Variants in OLFML2A observed in about 807,000 individuals in gnomAD.
The protein encoded by OLFML2A is olfactomedin like 2A, also known as olfactomedin-like protein 2A.
OLFML2A carries 47 observed loss-of-function variants against 60.9 expected under a neutral mutation model. The ratio of observed to expected loss-of-function variants is 0.77; its 90% CI spans 0.61 to 0.98. The LOEUF is 0.98. Among genes scored for constraint, OLFML2A ranks in the 50% least tolerant of loss-of-function variants. The pLI, the probability that OLFML2A is intolerant of heterozygous loss-of-function variation, is 0.00. For synonymous variants in OLFML2A, 372 were observed against 375.0 expected (o/e 0.99, Z 0.09); for missense variants, 922 against 879.8 (o/e 1.05, Z -0.61).
intron 6 of OLFML2A, among the ~76,000 whole-genome samples, chr9:124,806,206 A>G (rs1841895197): frequency 6.6e-6 from 1 of 152,174 alleles, no homozygotes; most frequent in Admixed American, 6.5e-5. Flanking sequence ...AAAAACCAAA[A>G]AAGAAAAAAA....
chr9:124,786,797 C>CACACAG (rs1199279538), intron 1 of OLFML2A, among the ~76,000 whole-genome samples, 178 bp from the exon 2 acceptor site: 8 of 123,692 alleles, frequency 6.5e-5, no homozygotes, highest in African/African-American at 2.4e-4. Context: ...CACACACACA[C>CACACAG]AGAGTTGTTA....
chr9:124,807,563 G>A lies in OLFML2A; in HGVS notation c.1169-218G>A, dbSNP rs571630129. Among the ~76,000 whole-genome samples, 15 of 152,306 alleles carry A rather than the reference G, an allele frequency of 9.8e-5. No homozygotes were observed. The South Asian group carries it at 1.0e-3, about 11-fold the overall frequency. On this transcript the variant is annotated intron_variant, in intron 6 of 7. Transcript: ENST00000373580. ...CTCCCAAAGTGCTGGGATTATAGGC[G>A]TCAGCCATTGCGCCTGGCCTCCATT...
chr9:124,784,945 T>TG (rs1423048390), intron 1 of OLFML2A, among the ~76,000 whole-genome samples: 2 of 92,108 alleles, frequency 2.2e-5, no homozygotes, highest in African/African-American at 1.1e-4. Flanking sequence ...TTTTACTTGT[T>TG]TTTTTTTTTT....
chr9:124,784,615 T>C (rs1021781578), intron 1 of OLFML2A, among the ~76,000 whole-genome samples: 16 of 152,258 alleles, frequency 1.1e-4, no homozygotes, highest in African/African-American at 3.4e-4. Flanking sequence ...ATTATCATTT[T>C]TAAGTATACA....
At chr9:124,809,461 CA>C (rs1280717639) in intron 7 of OLFML2A, among the ~76,000 whole-genome samples, 1 of 151,996 alleles carries the variant, frequency 6.6e-6, no homozygotes, top group Non-Finnish European at 1.5e-5. Context: ...ATTCCCCAAG[CA>C]GATGGCCTGG....
In OLFML2A at chr9:124,810,107, C is replaced by T. The variant is rs1841978375; in HGVS notation, c.1654C>T (p.Arg552Cys). ...EAQPEVIVLS[R>C]LDPGDLSVHR... is the part of the protein sequence containing the mutation. ...CCAGCCCGAGGTGATCGTCCTGAGT[C>T]GCTTGGACCCCGGCGATCTCTCCGT... The change falls in exon 8 of 8, where the codon CGC (arginine) becomes TGC (cysteine). Residue 552 changes from arginine (R) to cysteine (C), a missense_variant. Transcript: ENST00000373580. 1.2e-6 allele frequency: 2 copies of T among 1,613,826 alleles called. No individual in the cohort carries two copies. Among genetic ancestry groups the T allele is most frequent in the South Asian group, 1.1e-5 (1 of 91,072 alleles).
At position 124,787,097 on chromosome 9, in the gene OLFML2A, G is replaced by C. The variant is rs200597518; in HGVS notation, c.213G>C (p.Val71=). ...CSRVRSGRAR[V]EDFYTVETVS... ...GAGTGCGCAGTGGGCGGGCACGCGT[G>C]GAGGACTTCTACACGGTGGAGACTG... Residue 71 remains valine, a synonymous_variant, in exon 2 of 8, where the codon GTG becomes GTC. Coordinates refer to ENST00000373580, the MANE Select transcript of OLFML2A (RefSeq NM_182487.4). 1.7e-4 allele frequency: 271 copies of C among 1,614,080 alleles called. No individual in the cohort carries two copies. The highest frequency in any genetic ancestry group is 2.1e-4 in the Non-Finnish European group (253 of 1,180,050).
At chr9:124,806,909 A>G (rs965788305) in intron 6 of OLFML2A, among the ~76,000 whole-genome samples, 1 of 151,502 alleles carries the variant, frequency 6.6e-6, no homozygotes, top group African/African-American at 2.4e-5. Context: ...CGCCCAGCCA[A>G]TTTTTATTTA....
intron 1 of OLFML2A, among the ~76,000 whole-genome samples, chr9:124,786,094 A>G (rs148039581): frequency 0.011 from 1,698 of 152,238 alleles, 29 homozygotes; most frequent in African/African-American, 0.039. Flanking sequence ...AACCTGGGCC[A>G]AACAGCAAGA....
Position 124,807,820 on chromosome 9 carries a change from AC to A in OLFML2A, c.1214del (p.Pro405LeufsTer2). 3.0e-5 allele frequency: 48 copies of A among 1,613,054 alleles called. No individual in the cohort carries two copies. Among genetic ancestry groups the A allele is most frequent in the Non-Finnish European group, 4.0e-5 (47 of 1,179,778 alleles). On this transcript the variant is annotated frameshift_variant, in exon 7 of 8. Transcript: ENST00000373580. LOFTEE classifies it high-confidence loss of function. ...ASCEGTLRAV[D>X]PPVRHHSYGR... ...TGTGAGGGCACCCTCCGGGCTGTGG[AC>A]CCCCCTGTGAGGCACCACAGCTATG...
intron 4 of OLFML2A, chr9:124,800,794 C>T: frequency 1.5e-6 from 2 of 1,310,708 alleles, no homozygotes; most frequent in Non-Finnish European, 2.0e-6. Context: ...TGTCACAGGC[C>T]CTGTGTTCTT....
Position 124,795,090 on chromosome 9 carries a change from T to C in OLFML2A, c.421T>C (p.Tyr141His), listed in dbSNP as rs1841643564. Residue 141 changes from tyrosine to histidine, a missense_variant, in exon 3 of 8, where the codon TAC (tyrosine) becomes CAC (histidine). Coordinates refer to ENST00000373580, the MANE Select transcript of OLFML2A (RefSeq NM_182487.4). ...YSMDLMKVHA[Y>H]VHKVASQMNT... The stretch of plus-strand genomic sequence containing the variant: ...CATGGACTTGATGAAGGTGCACGCC[T>C]ACGTCCACAAGGTGGCCTCCCAGAT... The C allele has an allele frequency of 6.2e-7, 1 of 1,608,058 alleles. No homozygotes were observed. The highest frequency in any genetic ancestry group is 8.5e-7 in the Non-Finnish European group (1 of 1,176,864).
chr9:124,778,819 A>C (rs376056806), intron 1 of OLFML2A: 20 of 238,962 alleles, frequency 8.4e-5, no homozygotes, highest in African/African-American at 1.6e-4. Context: ...AACAAACAAA[A>C]AAAAAAACGG....
intron 2 of OLFML2A, among the ~76,000 whole-genome samples, chr9:124,791,023 C>T (rs1841560678): frequency 6.6e-6 from 1 of 152,212 alleles, no homozygotes. Flanking sequence ...TGCCTTTTCA[C>T]CTCCCCACTC....
chr9:124,797,190 A>T (rs1841684511), intron 3 of OLFML2A, among the ~76,000 whole-genome samples: 1 of 152,172 alleles, frequency 6.6e-6, no homozygotes, highest in Non-Finnish European at 1.5e-5. Context: ...CATGTTGCTC[A>T]TGCTGGTCTT....
chr9:124,793,934 G>A (rs1476014776), intron 2 of OLFML2A, among the ~76,000 whole-genome samples: 1 of 152,206 alleles, frequency 6.6e-6, no homozygotes, highest in Non-Finnish European at 1.5e-5. Flanking sequence ...AGCTACTCCA[G>A]AGGCTGAGGT....
Position 124,793,334 on chromosome 9 carries a change from G to C in OLFML2A, c.355-1690G>C, listed in dbSNP as rs114649145. On this transcript the variant is annotated intron_variant, in intron 2 of 7. Coordinates refer to ENST00000373580, the MANE Select transcript of OLFML2A (RefSeq NM_182487.4). ...GATGAGGCGTGACAGAGGAGAGGGA[G>C]AGGGGGAGCTGTAGGGCAGAGCCCT... 8.0e-3 allele frequency among the ~76,000 whole-genome samples: 1,212 copies of C among 152,324 alleles called. 27 individuals are homozygous for C. The highest frequency in any genetic ancestry group is 0.028 in the African/African-American group (1,146 of 41,566).
chr9:124,802,958 T>TGGTGCAGC (rs1191197325), intron 5 of OLFML2A, among the ~76,000 whole-genome samples: 6 of 152,120 alleles, frequency 3.9e-5, no homozygotes, highest in Non-Finnish European at 8.8e-5. Context: ...ACCTAGGCAG[T>TGGTGCAGC]GGTGCAGCGG....
chr9:124,807,292 C>CTTTTT (rs1220692026), intron 6 of OLFML2A, among the ~76,000 whole-genome samples: 2 of 86,512 alleles, frequency 2.3e-5, no homozygotes, highest in South Asian at 7.6e-4. Context: ...TTTCTCCATT[C>CTTTTT]TCTTTTTTTT....
Sources: gnomAD v4.1 joint callset for allele counts (sites outside exome capture counted in the v4.1 genomes callset) on GRCh38, gnomAD v4.1.1 for gene constraint, MANE v1.5 for transcripts, NCBI Gene and HGNC (gene_info 2026-07-23, HGNC 2026-07-21) for gene names.